Variants in GRIA4 observed in about 807,000 individuals in gnomAD.
The protein encoded by GRIA4 is glutamate ionotropic receptor AMPA type subunit 4.
In GRIA4, 34 loss-of-function variants were observed where a neutral mutation model predicts 104.0. That is an observed-to-expected ratio of 0.33 (90% CI 0.25 to 0.44). The LOEUF is 0.44. Ranked by LOEUF, GRIA4 falls within the 20% of genes least tolerant of loss-of-function variation. The pLI, the probability that GRIA4 is intolerant of heterozygous loss-of-function variation, is 1.00. For synonymous variants in GRIA4, 386 were observed against 381.9 expected, an observed-to-expected ratio of 1.01 and a Z score of -0.13; for missense variants, 750 against 1,096.5, an observed-to-expected ratio of 0.68 and a Z score of 4.46.
chr11:105,822,790 T>A (rs1246302094), intron 4 of GRIA4, among the ~76,000 whole-genome samples: 1 of 152,148 alleles, frequency 6.6e-6, no homozygotes, highest in Non-Finnish European at 1.5e-5. Flanking sequence ...GGTTAATATG[T>A]CACAAAAGTA....
At chr11:105,897,172 C>A (rs1404486472) in intron 6 of GRIA4, among the ~76,000 whole-genome samples, 1 of 151,924 alleles carries the variant, frequency 6.6e-6, no homozygotes, top group African/African-American at 2.4e-5. Context: ...GTGTGTGTGG[C>A]AATTTTAAAT....
At position 105,612,217 on chromosome 11, in the gene GRIA4, G is replaced by A. The variant is rs1950499705; in HGVS notation, c.89-59G>A. 2.7e-6 allele frequency: 4 copies of A among 1,499,530 alleles called. No homozygotes were observed. In the South Asian group the frequency reaches 4.6e-5, roughly 17 times the overall value. 92.9% of individuals were successfully genotyped at this position (1,499,530 alleles called of 1,614,324 possible). On this transcript the variant is annotated intron_variant, in intron 2 of 16. Transcript: ENST00000282499. ...GGCAGTAGATTTGACTGTGCTTGGG[G>A]TGGGTATAATGTTGACAAGAGGAAA...
At chr11:105,714,849 T>G (rs1954037410) in intron 3 of GRIA4, among the ~76,000 whole-genome samples, 1 of 151,942 alleles carries the variant, frequency 6.6e-6, no homozygotes, top group Non-Finnish European at 1.5e-5. Flanking sequence ...TGGCTGTTTC[T>G]GCAGGTGTCT....
At chr11:105,742,031 G>A (rs955082878) in intron 3 of GRIA4, among the ~76,000 whole-genome samples, 1 of 152,092 alleles carries the variant, frequency 6.6e-6, no homozygotes, top group Non-Finnish European at 1.5e-5. Flanking sequence ...CACTTTGCTT[G>A]TTGTGTTATT....
chr11:105,861,575 T>C (rs1310635177), intron 4 of GRIA4, among the ~76,000 whole-genome samples: 1 of 152,198 alleles, frequency 6.6e-6, no homozygotes, highest in Non-Finnish European at 1.5e-5. Context: ...CTGTTTCTTT[T>C]ACATCTTCTC....
At chr11:105,676,444 T>C (rs533960150) in intron 3 of GRIA4, among the ~76,000 whole-genome samples, 2 of 151,824 alleles carry the variant, frequency 1.3e-5, no homozygotes, top group East Asian at 3.9e-4. Context: ...TCTAGTACTC[T>C]GCAACATTTG....
intron 5 of GRIA4, among the ~76,000 whole-genome samples, chr11:105,877,831 G>A (rs567536644): frequency 3.9e-4 from 60 of 152,130 alleles, no homozygotes; most frequent in African/African-American, 1.4e-3. Flanking sequence ...AAGGTTCTTA[G>A]CTTCCTTGCA....
At chr11:105,752,022 G>T (rs189977035) in intron 3 of GRIA4, among the ~76,000 whole-genome samples, 1 of 152,210 alleles carries the variant, frequency 6.6e-6, no homozygotes, top group African/African-American at 2.4e-5. Flanking sequence ...TTTCTTTATG[G>T]TACCTCCTTT....
intron 14 of GRIA4, chr11:105,965,844 T>A: frequency 1.2e-6 from 1 of 829,966 alleles, no homozygotes; most frequent in Non-Finnish European, 2.0e-6. Context: ...ATGAGAGGTT[T>A]ATTTAGCGTC....
intron 4 of GRIA4, among the ~76,000 whole-genome samples, chr11:105,772,943 G>C (rs1941277751): frequency 6.6e-6 from 1 of 151,832 alleles, no homozygotes; most frequent in Non-Finnish European, 1.5e-5. Context: ...TTTAACTCAA[G>C]AAGCTAAAAA....
Position 105,644,369 on chromosome 11 carries a change from A to G in GRIA4, c.247+31935A>G, listed in dbSNP as rs1169260658. On this transcript the variant is annotated intron_variant, in intron 3 of 16. Transcript: ENST00000282499. ...GCACTTTGGGACGCCAAGGTGGGGA[A>G]CTGCTTGAGATCAGGAGTTTGAGAC... Among the ~76,000 whole-genome samples the G allele has an allele frequency of 2.0e-5, 3 of 151,766 alleles. No individual in the cohort carries two copies. In the East Asian group the frequency reaches 5.8e-4, roughly 29 times the overall value.
At chr11:105,637,479 C>T (rs1951237432) in intron 3 of GRIA4, among the ~76,000 whole-genome samples, 1 of 152,118 alleles carries the variant, frequency 6.6e-6, no homozygotes, top group African/African-American at 2.4e-5. Context: ...TGTAAATATT[C>T]ACTGAGTGTC....
rs897608940 is a variant in GRIA4 at position 105,871,441 on chromosome 11, T to G, written c.672+9233T>G. On this transcript the variant is annotated intron_variant, in intron 5 of 16. Coordinates refer to ENST00000282499, the MANE Select transcript of GRIA4 (RefSeq NM_000829.4). Reference sequence around the variant, plus strand: ...GTCAATCTAGTTTATTAGGGAGAGGTTTTTTTTTGTGTTTTATTTCTATAG... The same window carrying G: ...GTCAATCTAGTTTATTAGGGAGAGGGTTTTTTTTGTGTTTTATTTCTATAG... 5.4e-5 allele frequency among the ~76,000 whole-genome samples: 8 copies of G among 147,232 alleles called. No individual in the cohort carries two copies. The South Asian group carries it at 8.5e-4, about 16-fold the overall frequency.
chr11:105,975,151 C>T (rs1392104878), intron 16 of GRIA4, among the ~76,000 whole-genome samples: 1 of 152,118 alleles, frequency 6.6e-6, no homozygotes, highest in Non-Finnish European at 1.5e-5. Context: ...TTGAGCCAGA[C>T]CTTTAAGGAA....
intron 5 of GRIA4, among the ~76,000 whole-genome samples, chr11:105,873,032 G>A (rs1007935310): frequency 3.3e-5 from 5 of 151,990 alleles, no homozygotes; most frequent in South Asian, 2.1e-4. Context: ...CCATCAACCC[G>A]TCATCTACAT....
At chr11:105,928,428 C>G (rs970315962) in intron 13 of GRIA4, among the ~76,000 whole-genome samples, 3 of 151,904 alleles carry the variant, frequency 2.0e-5, no homozygotes, top group Non-Finnish European at 2.9e-5. Flanking sequence ...ATTAAACAAA[C>G]TTTTTTTAAC....
rs1027066528 is a variant in GRIA4, at chr11:105,697,114, C to T, written c.248-55867C>T. On this transcript the variant is annotated intron_variant, in intron 3 of 16. Coordinates refer to ENST00000282499, the MANE Select transcript of GRIA4 (RefSeq NM_000829.4). ...CTGAAATAGCTATTGTTTGTATTCT[C>T]TAGCATACTTGTTACTTTATTATTT... 3.9e-5 allele frequency among the ~76,000 whole-genome samples: 6 copies of T among 152,242 alleles called. No homozygotes were observed. The East Asian group carries it at 1.2e-3, about 29-fold the overall frequency.
chr11:105,790,408 G>A (rs897711862), intron 4 of GRIA4, among the ~76,000 whole-genome samples: 1 of 152,170 alleles, frequency 6.6e-6, no homozygotes, highest in African/African-American at 2.4e-5. Context: ...AGGGGTACAT[G>A]TGTTGCCCAC....
chr11:105,701,653 T>C (rs1953497884), intron 3 of GRIA4, among the ~76,000 whole-genome samples: 1 of 152,180 alleles, frequency 6.6e-6, no homozygotes, highest in Non-Finnish European at 1.5e-5. Flanking sequence ...CCTCCTTAAA[T>C]GCAATTAAAT....
Sources: gnomAD v4.1 joint callset for allele counts (sites outside exome capture counted in the v4.1 genomes callset) on GRCh38, gnomAD v4.1.1 for gene constraint, MANE v1.5 for transcripts, NCBI Gene and HGNC (gene_info 2026-07-23, HGNC 2026-07-21) for gene names.